The following MLPH variants were observed in gnomAD, a reference collection of about 807,000 sequenced individuals.
MLPH encodes exophilin-3.
In MLPH, 51 loss-of-function variants were observed where a neutral mutation model predicts 72.1. The ratio of observed to expected loss-of-function variants is 0.71; its 90% confidence interval spans 0.56 to 0.89. The LOEUF (loss-of-function observed/expected upper bound fraction) is 0.89. Ranked by LOEUF, MLPH falls within the 40% of genes least tolerant of loss-of-function variation. The pLI is 0.00. For synonymous variants in MLPH, 301 were observed against 310.1 expected, an observed-to-expected ratio of 0.97 and a Z score of 0.31; for missense variants, 743 against 759.9, an observed-to-expected ratio of 0.98 and a Z score of 0.26.
At chr2:237,521,102 G>A (rs2080172574) in intron 6 of MLPH, among the ~76,000 whole-genome samples, 1 of 152,224 alleles carries the variant, frequency 6.6e-6, no homozygotes, top group Non-Finnish European at 1.5e-5. Context: ...ATCCAGCAAA[G>A]ATGCTGCCGA....
intron 12 of MLPH, 64 bp from the exon 13 acceptor site, chr2:237,546,542 T>C (rs2080921942): frequency 5.6e-6 from 8 of 1,424,172 alleles, no homozygotes; most frequent in East Asian, 4.5e-5. Flanking sequence ...AGCTGACCCA[T>C]GCCCATGCTC....
intron 2 of MLPH, among the ~76,000 whole-genome samples, chr2:237,501,414 T>C (rs1361010812): frequency 7.3e-6 from 1 of 137,392 alleles, no homozygotes; most frequent in Non-Finnish European, 1.5e-5. Context: ...AAATGTTTAC[T>C]TTTAGCATTC....
At chr2:237,503,198 T>C (rs921417395) in intron 2 of MLPH, among the ~76,000 whole-genome samples, 4 of 152,162 alleles carry the variant, frequency 2.6e-5, no homozygotes, top group African/African-American at 9.7e-5. Context: ...GCCGGACTAG[T>C]TGGAATCACG....
chr2:237,539,461 C>G (rs1478035750), intron 9 of MLPH, among the ~76,000 whole-genome samples: 1 of 152,188 alleles, frequency 6.6e-6, no homozygotes, highest in African/African-American at 2.4e-5. Flanking sequence ...GTGAGTGACA[C>G]TTTCAATCTC....
At chr2:237,511,125 G>T (rs754212344) in intron 4 of MLPH, 24 bp downstream of exon 4, 1 of 1,583,412 alleles carries the variant, frequency 6.3e-7, no homozygotes, top group Non-Finnish European at 8.7e-7. Flanking sequence ...AGTAAGAACG[G>T]CTTTTTGTTC....
In MLPH at chr2:237,553,647, C is replaced by T; in HGVS notation, c.*55C>T. 1 of 1,612,344 alleles carries T rather than the reference C, an allele frequency of 6.2e-7. No homozygotes were observed. Among genetic ancestry groups the T allele is most frequent in the Non-Finnish European group, 8.5e-7 (1 of 1,178,332 alleles). On this transcript the variant is annotated 3_prime_UTR_variant, in exon 16 of 16. Coordinates refer to ENST00000264605, the MANE Select transcript of MLPH (RefSeq NM_024101.7). Reference sequence around the variant, plus strand: ...TGCACTGTTTTCCCTCCACCACAGCCATCCTGTCCCTCATTGGCTCTGTGC... The same window carrying T: ...TGCACTGTTTTCCCTCCACCACAGCTATCCTGTCCCTCATTGGCTCTGTGC...
At chr2:237,531,649 TC>T (rs1176578066) in intron 8 of MLPH, among the ~76,000 whole-genome samples, 2 of 152,226 alleles carry the variant, frequency 1.3e-5, no homozygotes, top group Non-Finnish European at 2.9e-5. Flanking sequence ...CTTTATTTAT[TC>T]CTATTAACTT....
chr2:237,525,875 C>T, intron 7 of MLPH, 70 bp downstream of exon 7: 1 of 1,453,792 alleles, frequency 6.9e-7, no homozygotes, highest in Non-Finnish European at 9.5e-7. Flanking sequence ...GGAACAACCC[C>T]ACCACCCTGA....
At chr2:237,550,046 CT>C (rs779137977) in intron 14 of MLPH, among the ~76,000 whole-genome samples, 1 of 152,222 alleles carries the variant, frequency 6.6e-6, no homozygotes, top group Admixed American at 6.5e-5. Flanking sequence ...AGCCTGCCCC[CT>C]ACTACACCCG....
intron 12 of MLPH, chr2:237,545,717 T>A: frequency 8.6e-7 from 1 of 1,159,716 alleles, no homozygotes. Flanking sequence ...TTAGGACATT[T>A]GGCAAAAGAA....
intron 5 of MLPH, among the ~76,000 whole-genome samples, chr2:237,518,954 G>A (rs2080113736): frequency 6.6e-6 from 1 of 152,218 alleles, no homozygotes. Flanking sequence ...GGGGACTGCT[G>A]TAGGACAGGC....
At chr2:237,542,213 A>G (rs1327691133) in intron 11 of MLPH, among the ~76,000 whole-genome samples, 1 of 152,140 alleles carries the variant, frequency 6.6e-6, no homozygotes, top group East Asian at 1.9e-4. Flanking sequence ...TGCCAGTGGG[A>G]GTGGCCGACT....
rs12471827 is a variant in MLPH at position 237,534,866 on chromosome 2, A to G, written c.1104+219A>G. 0.14 allele frequency among the ~76,000 whole-genome samples: 20,971 copies of G among 152,176 alleles called. 1,844 individuals carry two copies. Among genetic ancestry groups the G allele is most frequent in the African/African-American group, 0.22 (9,126 of 41,494 alleles). On this transcript the variant is annotated intron_variant, in intron 9 of 15. Transcript: ENST00000264605. ...AGGCCTGCCACCACCTCTCATGCCC[A>G]GAGCTTGAATGAGAGAATGCTTGGA...
At chr2:237,524,995 C>T (rs183704863) in intron 6 of MLPH, among the ~76,000 whole-genome samples, 24 of 152,288 alleles carry the variant, frequency 1.6e-4, no homozygotes, top group African/African-American at 4.6e-4. Context: ...GTCCTAAGTG[C>T]GCATTTCCTC....
chr2:237,510,319 A>G lies in MLPH; in HGVS notation c.111-255A>G. On this transcript the variant is annotated intron_variant, in intron 2 of 15. Transcript: ENST00000264605. This position sits in a 1 kb window ranked among gnomAD's most constrained non-coding sequence, Gnocchi z 4.4. ...ACAGCCACAGAAATGCTTAAATGCA[A>G]TATCATTTCTATGAAATTAACGTGT... 1 of 557,488 alleles carries G rather than the reference A, an allele frequency of 1.8e-6. No homozygotes were observed. The highest frequency in any genetic ancestry group is 3.2e-6 in the Non-Finnish European group (1 of 308,970). 34.5% of individuals were successfully genotyped at this position (557,488 alleles called of 1,614,324 possible).
intron 14 of MLPH, among the ~76,000 whole-genome samples, chr2:237,550,501 G>A (rs560870004): frequency 3.3e-5 from 5 of 152,278 alleles, no homozygotes; most frequent in South Asian, 4.1e-4. Flanking sequence ...CTGGCTCTGC[G>A]GGGAGTTTCC....
chr2:237,526,202 A>C (rs1227823881), intron 7 of MLPH, among the ~76,000 whole-genome samples: 1 of 152,130 alleles, frequency 6.6e-6, no homozygotes, highest in African/African-American at 2.4e-5. Context: ...TGATCAGGAG[A>C]TCTTTAAGCA....
At chr2:237,508,247 G>A (rs555297078) in intron 2 of MLPH, among the ~76,000 whole-genome samples, 3 of 152,218 alleles carry the variant, frequency 2.0e-5, no homozygotes, top group Non-Finnish European at 2.9e-5. Flanking sequence ...GAGTAGCAGG[G>A]ATTACAGGTG....
At chr2:237,534,419 C>T (rs931353917) in intron 8 of MLPH, 145 bp from the exon 9 acceptor site, 6 of 729,858 alleles carry the variant, frequency 8.2e-6, no homozygotes, top group Middle Eastern at 3.7e-4. Context: ...TCACAATTAA[C>T]CTTCCCAGGC....
Sources: gnomAD v4.1 joint callset for allele counts (sites outside exome capture counted in the v4.1 genomes callset) on GRCh38, gnomAD v4.1.1 for gene constraint, Gnocchi (gnomAD v3.1) non-coding constraint, MANE v1.5 for transcripts, NCBI Gene and HGNC (gene_info 2026-07-23, HGNC 2026-07-21) for gene names.